AQR: variants seen among roughly 807,000 people sequenced by gnomAD.
AQR encodes the protein aquarius intron-binding spliceosomal factor, also known as RNA helicase aquarius.
In AQR, 61 loss-of-function variants were observed where a neutral mutation model predicts 180.5. The observed-to-expected ratio is 0.34, with a 90% confidence interval of 0.28 to 0.42. AQR has a LOEUF of 0.42. Ranked by LOEUF, AQR falls within the 10% of genes least tolerant of loss-of-function variation. The pLI is 1.00. For synonymous variants in AQR, 551 were observed against 588.8 expected, an observed-to-expected ratio of 0.94 and a Z score of 0.93; for missense variants, 1,281 against 1,798.3, an observed-to-expected ratio of 0.71 and a Z score of 5.20.
In AQR at chr15:34,852,171, TA is replaced by T. The variant is rs1566976059; in HGVS notation, c.*4620del. On this transcript the variant is annotated 3_prime_UTR_variant, in exon 35 of 35. Coordinates refer to ENST00000156471, the MANE Select transcript of AQR (RefSeq NM_014691.3). ...TTCCCAAGGAAATAGCTACCTAAGT[TA>T]TGTTTTTTTTTTTTTTTTGAAGGAG... is the stretch of plus-strand genomic sequence containing the variant. 6.7e-6 allele frequency: 1 copy of T among 148,410 alleles called. No homozygotes were observed. Among genetic ancestry groups the T allele is most frequent in the African/African-American group, 2.6e-5 (1 of 38,262 alleles). 9.2% of individuals were successfully genotyped at this position (148,410 alleles called of 1,614,324 possible).
intron 3 of AQR, among the ~76,000 whole-genome samples, chr15:34,954,673 CT>C: frequency 6.6e-6 from 1 of 152,256 alleles, no homozygotes; most frequent in East Asian, 1.9e-4. Context: ...AATTCCTCTT[CT>C]AGCAATCTCA....
Position 34,952,930 on chromosome 15 carries a change from T to TTTTATTTATTTTTATGTTTTC in AQR, c.174-11_174-10insGAAAACATAAAAATAAATAAA. 1 of 1,353,766 alleles carries TTTTATTTATTTTTATGTTTTC rather than the reference T, an allele frequency of 7.4e-7. No individual in the cohort carries two copies. Among genetic ancestry groups the TTTTATTTATTTTTATGTTTTC allele is most frequent in the East Asian group, 2.4e-5 (1 of 41,644 alleles). 83.9% of individuals were successfully genotyped at this position (1,353,766 alleles called of 1,614,324 possible). A position where few individuals can be genotyped will look rare whatever the true frequency, so the allele number is the denominator to read the frequency against. ...CTTTCTAATAGCAAACCTGAAAACA[T>TTTTATTTATTTTTATGTTTTC]AAAAATAAATAAAATGTTTAAAATA... On this transcript the variant is annotated splice_polypyrimidine_tract_variant and intron_variant, in intron 3 of 34. Transcript: ENST00000156471.
intron 34 of AQR, 98 bp from the exon 35 acceptor site, chr15:34,857,204 C>T: frequency 8.4e-7 from 1 of 1,195,060 alleles, no homozygotes; most frequent in Non-Finnish European, 1.1e-6. Flanking sequence ...CAAAACAGTG[C>T]TGACCATTTT....
intron 3 of AQR, among the ~76,000 whole-genome samples, chr15:34,959,098 C>T (rs1460360389): frequency 6.6e-6 from 1 of 152,178 alleles, no homozygotes; most frequent in Non-Finnish European, 1.5e-5. Context: ...TCGTATCTCC[C>T]CTCTTTTCTG....
intron 13 of AQR, among the ~76,000 whole-genome samples, chr15:34,923,862 C>T (rs1174700627): frequency 6.6e-6 from 1 of 152,146 alleles, no homozygotes; most frequent in African/African-American, 2.4e-5. Flanking sequence ...AATCTTCCAA[C>T]TTTGTTCTGT....
In AQR at chr15:34,852,166, T is replaced by C. The variant is rs2140452524; in HGVS notation, c.*4626A>G. The C allele has an allele frequency of 6.7e-6, 1 of 150,244 alleles. No individual in the cohort carries two copies. The highest frequency in any genetic ancestry group is 1.9e-4 in the East Asian group (1 of 5,166). The allele number at this position is 150,244 out of a possible 1,614,324, so 9.3% of individuals were successfully genotyped here. The stretch of plus-strand genomic sequence containing the variant: ...ATTGGTTCCCAAGGAAATAGCTACC[T>C]AAGTTATGTTTTTTTTTTTTTTTTG... On this transcript the variant is annotated 3_prime_UTR_variant, in exon 35 of 35. Coordinates refer to ENST00000156471, the MANE Select transcript of AQR (RefSeq NM_014691.3).
intron 16 of AQR, among the ~76,000 whole-genome samples, chr15:34,912,526 T>G (rs1893516254): frequency 6.6e-6 from 1 of 152,074 alleles, no homozygotes; most frequent in African/African-American, 2.4e-5. Flanking sequence ...TCAAATACAT[T>G]TTAGGACAAG....
intron 34 of AQR, 80 bp from the exon 35 acceptor site, chr15:34,857,186 G>A: frequency 7.4e-7 from 1 of 1,354,494 alleles, no homozygotes; most frequent in Middle Eastern, 1.9e-4. Flanking sequence ...TACCATTCTA[G>A]AGTTCTCCAA....
At chr15:34,928,429 G>A (rs924011202) in intron 12 of AQR, among the ~76,000 whole-genome samples, 2 of 152,080 alleles carry the variant, frequency 1.3e-5, no homozygotes, top group African/African-American at 4.8e-5. Flanking sequence ...TCCTGCTTAT[G>A]AGTGAGAACA....
In AQR at chr15:34,853,026, C is replaced by G. The variant is rs994244057; in HGVS notation, c.*3766G>C. 1 of 152,046 alleles carries G rather than the reference C, an allele frequency of 6.6e-6. No homozygotes were observed. Among genetic ancestry groups the G allele is most frequent in the African/African-American group, 2.4e-5 (1 of 41,400 alleles). The allele number at this position is 152,046 out of a possible 1,614,324, so 9.4% of individuals were successfully genotyped here. ...CTTCTGGATTCCATTTAATTAAAAC[C>G]CTTTTAAATTAAATCCTTGTAACTG... On this transcript the variant is annotated 3_prime_UTR_variant, in exon 35 of 35. Coordinates refer to ENST00000156471, the MANE Select transcript of AQR (RefSeq NM_014691.3).
At position 34,853,198 on chromosome 15, in the gene AQR, A is replaced by ATTC. The variant is rs1161889869; in HGVS notation, c.*3593_*3594insGAA. On this transcript the variant is annotated 3_prime_UTR_variant, in exon 35 of 35. Coordinates refer to ENST00000156471, the MANE Select transcript of AQR (RefSeq NM_014691.3). ...AGGCTAACTGCCAAGCATTTTTCAC[A>ATTC]GGAAGCAAGGCACTGCTCTTCTGGC... The ATTC allele has an allele frequency of 6.6e-6, 1 of 151,946 alleles. No individual in the cohort carries two copies. The highest frequency in any genetic ancestry group is 1.9e-4 in the East Asian group (1 of 5,190). 9.4% of individuals were successfully genotyped at this position (151,946 alleles called of 1,614,324 possible).
At position 34,886,667 on chromosome 15, in the gene AQR, C is replaced by T. The variant is rs1893064054; in HGVS notation, c.2682-6G>A. The stretch of plus-strand genomic sequence containing the variant: ...CATAATTAACTCTTCCATACCTAGA[C>T]ATTTCAATTAGGCAAAATGACAAAA... On this transcript the variant is annotated splice_region_variant and splice_polypyrimidine_tract_variant and intron_variant, in intron 24 of 34. Coordinates refer to ENST00000156471, the MANE Select transcript of AQR (RefSeq NM_014691.3). 2 of 1,595,014 alleles carry T rather than the reference C, an allele frequency of 1.3e-6. No homozygotes were observed. The highest frequency in any genetic ancestry group is 1.2e-5 in the South Asian group (1 of 86,874).
intron 22 of AQR, among the ~76,000 whole-genome samples, chr15:34,896,157 C>T (rs543671901): frequency 4.3e-4 from 66 of 152,310 alleles, no homozygotes; most frequent in African/African-American, 1.3e-3. Flanking sequence ...GAAGCATTTT[C>T]GGCTTTGCAG....
intron 2 of AQR, among the ~76,000 whole-genome samples, chr15:34,961,417 C>T (rs1370218332): frequency 2.0e-5 from 3 of 151,988 alleles, no homozygotes; most frequent in Non-Finnish European, 2.9e-5. Context: ...CAAGACCATC[C>T]TGGCCAACAT....
chr15:34,870,198 C>T (rs1177332613), intron 31 of AQR: 1 of 151,936 alleles, frequency 6.6e-6, no homozygotes, highest in Admixed American at 6.6e-5. Flanking sequence ...AAAAGGTGAG[C>T]TTTTACATAG....
chr15:34,943,357 G>C (rs766250848), intron 6 of AQR: 101 of 1,466,260 alleles, frequency 6.9e-5, no homozygotes, highest in Non-Finnish European at 9.1e-5. Flanking sequence ...TTTGAACTGG[G>C]AGGAGATAAG....
chr15:34,914,221 ACATC>A (rs1192557329), intron 16 of AQR, among the ~76,000 whole-genome samples: 1 of 152,202 alleles, frequency 6.6e-6, no homozygotes, highest in Non-Finnish European at 1.5e-5. Context: ...TGTATAACTT[ACATC>A]CATCAATTTC....
chr15:34,902,660 C>T (rs1201040546), intron 19 of AQR, among the ~76,000 whole-genome samples: 1 of 152,026 alleles, frequency 6.6e-6, no homozygotes, highest in African/African-American at 2.4e-5. Flanking sequence ...ACAGTAGGCA[C>T]TAAATAGTCA....
At chr15:34,947,241 T>C (rs1415869380) in intron 5 of AQR, among the ~76,000 whole-genome samples, 1 of 151,878 alleles carries the variant, frequency 6.6e-6, no homozygotes, top group Non-Finnish European at 1.5e-5. Context: ...AAACATGTGC[T>C]GTATCCACTC....
Sources: allele counts gnomAD v4.1 joint callset (sites outside exome capture counted in the v4.1 genomes callset), GRCh38; gene constraint gnomAD v4.1.1; transcripts MANE v1.5; gene names NCBI Gene and HGNC (gene_info 2026-07-23, HGNC 2026-07-21).